The following TRIM51 variants were observed in gnomAD, a reference collection of about 807,000 sequenced individuals.
TRIM51 encodes tripartite motif-containing protein 51.
A neutral mutation model predicts 32.7 loss-of-function variants in TRIM51; 23 were observed. The observed-to-expected ratio is 0.70, with a 90% CI of 0.51 to 1.00. The LOEUF (loss-of-function observed/expected upper bound fraction) is 1.00, where lower values mean the gene tolerates loss of function less well. Ranked by LOEUF, TRIM51 falls within the 50% of genes least tolerant of loss-of-function variation. The probability of loss-of-function intolerance (pLI) is 0.00; values close to 1 mark genes in which losing one functional copy is unlikely to be tolerated. For missense variants in TRIM51, 592 were observed against 539.2 expected, an observed-to-expected ratio of 1.10 and a Z score of -0.97; for synonymous variants, 177 against 181.9, an observed-to-expected ratio of 0.97 and a Z score of 0.22.
intron 4 of TRIM51, 21 bp downstream of exon 4, chr11:55,888,283 A>G: frequency 6.4e-7 from 1 of 1,573,920 alleles, no homozygotes; most frequent in Non-Finnish European, 8.7e-7. Context: ...ACCATGGGGT[A>G]TCATGATGTT....
At chr11:55,886,302 C>T in intron 3 of TRIM51, 84 bp downstream of exon 3, 1 of 1,075,804 alleles carries the variant, frequency 9.3e-7, no homozygotes. Context: ...GATCTCAACC[C>T]ATAATGTTTC....
chr11:55,885,880 A>C (rs758079696), intron 2 of TRIM51, 41 bp downstream of exon 2: 2 of 1,610,984 alleles, frequency 1.2e-6, no homozygotes, highest in African/African-American at 1.3e-5. Context: ...TACAGGACAC[A>C]TGAAATTCTT....
intron 6 of TRIM51, among the ~76,000 whole-genome samples, chr11:55,890,858 T>C (rs984178575): frequency 9.2e-5 from 14 of 152,216 alleles, no homozygotes; most frequent in Admixed American, 6.5e-4. Flanking sequence ...AATTCATTTT[T>C]ACATTGGAGA....
Position 55,886,017 on chromosome 11 carries a change from C to A in TRIM51, c.412-106C>A, listed in dbSNP as rs201247304. ...CATGAGGAGAAACAAAGCAAACTCT[C>A]TTTTCTGTGGGTTAATTTGTCTCTC... On this transcript the variant is annotated intron_variant, in intron 2 of 6. Coordinates refer to ENST00000449290, the MANE Select transcript of TRIM51 (RefSeq NM_032681.4). The A allele has an allele frequency of 3.1e-4, 453 of 1,482,518 alleles. 2 individuals are homozygous for A. The East Asian group carries it at 6.9e-3, about 22-fold the overall frequency. 91.8% of individuals were successfully genotyped at this position (1,482,518 alleles called of 1,614,324 possible).
Position 55,891,607 on chromosome 11 carries a change from C to T in TRIM51, c.1334C>T (p.Pro445Leu). The stretch of plus-strand genomic sequence containing the variant: ...TGCTCCTTCTCACCTCCTCTCAGGC[C>T]TATCTTTTGCTGTAGTCACTTCTGA... ...PNCSFSPPLR[P>L]IFCCSHF is the part of the protein sequence containing the mutation. Residue 445 changes from proline to leucine, a missense_variant, in exon 7 of 7, where the codon CCT (proline) becomes CTT (leucine). By Grantham distance (98) the Pro-to-Leu change is moderately conservative. Transcript: ENST00000449290. 1 of 1,613,352 alleles carries T rather than the reference C, an allele frequency of 6.2e-7. No individual in the cohort carries two copies. Among genetic ancestry groups the T allele is most frequent in the South Asian group, 1.1e-5 (1 of 91,066 alleles).
rs752347072 is a variant in TRIM51, at chr11:55,885,587, T to C, written c.159T>C (p.Ser53=). The change falls in exon 2 of 7, where the codon TCT becomes TCC. Residue 53 remains serine (S), a synonymous_variant. Coordinates refer to ENST00000449290, the MANE Select transcript of TRIM51 (RefSeq NM_032681.4). The stretch of plus-strand genomic sequence containing the variant: ...ACACGGCAGTTCTTGCTCAGTGCTC[T>C]GAATGCAAGAAGACAACGCGGCAGA... ...WQDTAVLAQC[S]ECKKTTRQRN... is the part of the protein sequence containing the mutation. The C allele has an allele frequency of 1.5e-5, 24 of 1,611,660 alleles. No homozygotes were observed. In the East Asian group the frequency reaches 3.1e-4, roughly 21 times the overall value.
At chr11:55,886,440 T>C in intron 3 of TRIM51, among the ~76,000 whole-genome samples, 1 of 152,204 alleles carries the variant, frequency 6.6e-6, no homozygotes, top group Non-Finnish European at 1.5e-5. Flanking sequence ...CTCATCTGTT[T>C]CCATACAAAC....
chr11:55,890,898 G>A (rs547454411), intron 6 of TRIM51, among the ~76,000 whole-genome samples: 41 of 151,926 alleles, frequency 2.7e-4, no homozygotes, highest in Non-Finnish European at 5.3e-4. Context: ...TCTTATATTC[G>A]ACTCTCAATT....
chr11:55,884,994 T>C (rs548017799), intron 1 of TRIM51, among the ~76,000 whole-genome samples: 14 of 152,196 alleles, frequency 9.2e-5, no homozygotes, highest in African/African-American at 3.4e-4. Context: ...TCTAAAAATA[T>C]GTCATAGCAA....
chr11:55,886,239 C>T (rs766634085), intron 3 of TRIM51, 21 bp downstream of exon 3: 1 of 1,584,774 alleles, frequency 6.3e-7, no homozygotes, highest in Admixed American at 1.7e-5. Flanking sequence ...TATGACTCTA[C>T]CTTCTCCGGG....
chr11:55,890,096 T>A (rs1854629774), intron 6 of TRIM51, 57 bp downstream of exon 6: 1 of 1,247,464 alleles, frequency 8.0e-7, no homozygotes, highest in Non-Finnish European at 1.2e-6. Context: ...GTTAGAATCA[T>A]GGGGGTAGTA....
intron 3 of TRIM51, among the ~76,000 whole-genome samples, chr11:55,886,525 C>T (rs1854581212): frequency 6.6e-6 from 1 of 152,104 alleles, no homozygotes; most frequent in East Asian, 1.9e-4. Context: ...TGGATAAATT[C>T]TGGACACAAG....
Position 55,891,311 on chromosome 11 carries a change from T to C in TRIM51, c.1038T>C (p.His346=), listed in dbSNP as rs760538684. 3.7e-6 allele frequency: 6 copies of C among 1,611,190 alleles called. No homozygotes were observed. The highest frequency in any genetic ancestry group is 2.7e-5 in the African/African-American group (2 of 74,870). Residue 346 remains histidine (H), a synonymous_variant, in exon 7 of 7, where the codon CAT becomes CAC. Transcript: ENST00000449290. ...CTGGCAAATATTATTGGGAGGTTCA[T>C]ATGGGGGACTCTTGGAATTGGGCTT... is the stretch of plus-strand genomic sequence containing the variant. ...FTSGKYYWEV[H]MGDSWNWAFG...
chr11:55,890,652 A>G (rs940099190), intron 6 of TRIM51, among the ~76,000 whole-genome samples: 18 of 152,172 alleles, frequency 1.2e-4, no homozygotes, highest in African/African-American at 4.3e-4. Flanking sequence ...GTGACTGGTA[A>G]AAGATTTTGC....
At chr11:55,889,231 TA>T (rs1439834812) in intron 5 of TRIM51, among the ~76,000 whole-genome samples, 2 of 151,690 alleles carry the variant, frequency 1.3e-5, no homozygotes, top group Admixed American at 6.6e-5. Flanking sequence ...AATAAATAAA[TA>T]AAACAAAAAA....
In TRIM51 at chr11:55,885,839, G is replaced by A. The variant is rs1291914865; in HGVS notation, c.411G>A (p.Arg137=). Residue 137 remains arginine (R), a splice_region_variant and synonymous_variant, in exon 2 of 7, where the codon CGG becomes CGA. Transcript: ENST00000449290. ...TTGAGTGGGCTGCTGAGGAACGCCG[G>A]GTAAGTGATGCCTCTGAAGATCTAT... ...CPIEWAAEER[R]EELLKKMQSL... The A allele has an allele frequency of 1.9e-6, 3 of 1,611,620 alleles. No homozygotes were observed. The South Asian group carries it at 3.3e-5, about 18-fold the overall frequency.
intron 1 of TRIM51, among the ~76,000 whole-genome samples, chr11:55,884,389 G>A (rs2134532294): frequency 6.6e-6 from 1 of 151,808 alleles, no homozygotes; most frequent in East Asian, 2.0e-4. Context: ...CTGTACAGGA[G>A]AGGAAGTCCA....
intron 5 of TRIM51, among the ~76,000 whole-genome samples, chr11:55,889,490 G>T (rs759665321): frequency 4.7e-4 from 71 of 152,220 alleles, no homozygotes; most frequent in Non-Finnish European, 7.5e-4. Flanking sequence ...TGTTTGAACC[G>T]TGTAGGCCTC....
intron 3 of TRIM51, among the ~76,000 whole-genome samples, chr11:55,887,435 A>G (rs1344104936): frequency 6.6e-6 from 1 of 151,390 alleles, no homozygotes; most frequent in Non-Finnish European, 1.5e-5. Flanking sequence ...TATGAGAAAT[A>G]TGTATATATA....
Sources: gnomAD v4.1 joint callset for allele counts (sites outside exome capture counted in the v4.1 genomes callset) on GRCh38, gnomAD v4.1.1 for gene constraint, MANE v1.5 for transcripts, NCBI Gene and HGNC (gene_info 2026-07-23, HGNC 2026-07-21) for gene names.